The following TRERF1 variants were observed in gnomAD, a reference collection of about 807,000 sequenced individuals.
TRERF1 encodes transcriptional-regulating factor 1.
A neutral mutation model predicts 122.9 loss-of-function variants in TRERF1; 27 were observed. That is an observed-to-expected ratio of 0.22 (90% CI 0.16 to 0.30). The LOEUF is 0.30. Among genes scored for constraint, TRERF1 ranks in the 10% least tolerant of loss-of-function variants. The probability of loss-of-function intolerance (pLI) is 1.00; values close to 1 mark genes in which losing one functional copy is unlikely to be tolerated. For missense variants in TRERF1, 1,248 were observed against 1,560.3 expected (o/e 0.80, Z 3.37); for synonymous variants, 636 against 641.7 (o/e 0.99, Z 0.13).
chr6:42,433,862 A>AT (rs2151692921), intron 2 of TRERF1, among the ~76,000 whole-genome samples: 1 of 152,194 alleles, frequency 6.6e-6, no homozygotes, highest in East Asian at 1.9e-4. Context: ...CTACAAAAAA[A>AT]AAATTTTTTT....
At chr6:42,253,985 T>C (rs1776288692) in intron 13 of TRERF1, among the ~76,000 whole-genome samples, 1 of 152,210 alleles carries the variant, frequency 6.6e-6, no homozygotes, top group South Asian at 2.1e-4. Flanking sequence ...CCAACTTAGG[T>C]TTGTGGAGAC....
chr6:42,370,581 C>T (rs747883243), intron 2 of TRERF1, among the ~76,000 whole-genome samples: 14 of 152,124 alleles, frequency 9.2e-5, no homozygotes, highest in Non-Finnish European at 1.8e-4. Flanking sequence ...TGTCCGAAAC[C>T]TACATAGTTT....
chr6:42,335,236 G>A (rs1176181634), intron 3 of TRERF1, among the ~76,000 whole-genome samples: 1 of 152,226 alleles, frequency 6.6e-6, no homozygotes, highest in East Asian at 1.9e-4. Flanking sequence ...CTTGCTCCCA[G>A]ATGCTGGGGG....
At chr6:42,265,626 G>T in intron 6 of TRERF1, 125 bp downstream of exon 6, 1 of 1,056,332 alleles carries the variant, frequency 9.5e-7, no homozygotes, top group Non-Finnish European at 1.4e-6. Flanking sequence ...AAACACAACA[G>T]CTGCTATTAT....
exon 14 of TRERF1, chr6:42,246,495 T>C (rs761244152): frequency 1.2e-6 from 2 of 1,601,000 alleles, no homozygotes; most frequent in South Asian, 2.3e-5. Context: ...TGTAAGTGGC[T>C]AGTGCTTTGT....
At chr6:42,333,454 G>C (rs1370684913) in intron 3 of TRERF1, among the ~76,000 whole-genome samples, 2 of 152,182 alleles carry the variant, frequency 1.3e-5, no homozygotes, top group African/African-American at 2.4e-5. Flanking sequence ...GTCCTATCAG[G>C]CACCTGACTC....
Position 42,268,423 on chromosome 6 carries a change from G to C in TRERF1, c.1168C>G (p.Leu390Val), listed in dbSNP as rs778798828. Residue 390 changes from leucine to valine, a missense_variant, in exon 5 of 18, where the codon CTC (leucine) becomes GTC (valine). Around this residue, in one of 5 missense-constraint regions of TRERF1, gnomAD observed 946 missense variants for 1,073.0 expected, o/e 0.88. Coordinates refer to ENST00000372922, the Ensembl canonical transcript of TRERF1. The surrounding 1 kb of genome is among the most constrained non-coding windows in gnomAD (Gnocchi z 4.4). ...TGGGACAGGTGGCTCTGCTGGTAGA[G>C]GGGGTGGCTGTAGGGCTGCTGGGGC... 8 of 1,564,526 alleles carry C rather than the reference G, an allele frequency of 5.1e-6. No homozygotes were observed. In the African/African-American group the frequency reaches 1.1e-4, roughly 21 times the overall value.
At chr6:42,449,903 T>C (rs577008946) in intron 2 of TRERF1, among the ~76,000 whole-genome samples, 6 of 152,328 alleles carry the variant, frequency 3.9e-5, no homozygotes, top group South Asian at 2.1e-4. Flanking sequence ...GTCTACAGAA[T>C]TGCAGAAAGC....
Position 42,388,558 on chromosome 6 carries a change from C to G in TRERF1, c.-453-25479G>C, listed in dbSNP as rs894519567. On this transcript the variant is annotated intron_variant, in intron 2 of 17. Transcript: ENST00000372922. ...GTACATTCCCCCAAGTTTCATCCAC[C>G]TGAAAAATGCCAGTTACCACCACCT... Among the ~76,000 whole-genome samples, 68 of 152,170 alleles carry G rather than the reference C, an allele frequency of 4.5e-4. 1 individual carries two copies. The highest frequency in any genetic ancestry group is 1.6e-3 in the African/African-American group (66 of 41,534).
intron 2 of TRERF1, among the ~76,000 whole-genome samples, chr6:42,442,807 T>G (rs1047805647): frequency 6.6e-6 from 1 of 152,240 alleles, no homozygotes; most frequent in African/African-American, 2.4e-5. Context: ...TAATGCTGTA[T>G]AGTATTATCT....
intron 2 of TRERF1, among the ~76,000 whole-genome samples, chr6:42,364,765 C>T (rs900353054): frequency 3.3e-5 from 5 of 152,208 alleles, no homozygotes; most frequent in Admixed American, 3.3e-4. Context: ...GGCCAGCCTG[C>T]GTGGGCTATG....
At chr6:42,398,879 C>T (rs1010121063) in intron 2 of TRERF1, among the ~76,000 whole-genome samples, 1 of 152,198 alleles carries the variant, frequency 6.6e-6, no homozygotes, top group Admixed American at 6.5e-5. Context: ...GCTAGGGAGA[C>T]CATCCCACAG....
intron 3 of TRERF1, among the ~76,000 whole-genome samples, chr6:42,311,100 C>A (rs951442193): frequency 1.3e-5 from 2 of 152,178 alleles, no homozygotes; most frequent in Non-Finnish European, 2.9e-5. Context: ...GTGTTGGAAA[C>A]ACAGCAGGAA....
At chr6:42,338,965 C>T (rs142877734) in intron 3 of TRERF1, among the ~76,000 whole-genome samples, 161 of 152,338 alleles carry the variant, frequency 1.1e-3, no homozygotes, top group African/African-American at 3.4e-3. Context: ...CTCCTGCCCA[C>T]CTCCACTAGA....
At chr6:42,299,747 T>A (rs1472799327) in intron 4 of TRERF1, among the ~76,000 whole-genome samples, 1 of 152,214 alleles carries the variant, frequency 6.6e-6, no homozygotes, top group Non-Finnish European at 1.5e-5. Context: ...AGTAGTTCAA[T>A]GCATATTTCA....
intron 15 of TRERF1, among the ~76,000 whole-genome samples, chr6:42,240,218 T>G (rs192961886): frequency 6.6e-6 from 1 of 152,332 alleles, no homozygotes; most frequent in East Asian, 1.9e-4. Flanking sequence ...GCAACTCCTA[T>G]CTTCGAAAAA....
intron 7 of TRERF1, 77 bp downstream of exon 7, chr6:42,264,627 C>A: frequency 6.4e-7 from 1 of 1,565,430 alleles, no homozygotes; most frequent in Non-Finnish European, 8.6e-7. Flanking sequence ...GGGCTCACAT[C>A]ACTCTCTGTC....
At chr6:42,360,555 G>A (rs1771509008) in intron 3 of TRERF1, among the ~76,000 whole-genome samples, 1 of 152,008 alleles carries the variant, frequency 6.6e-6, no homozygotes, top group Non-Finnish European at 1.5e-5. Flanking sequence ...TATCCCCAAT[G>A]ACTGGTCCAA....
chr6:42,299,080 A>ATATCTATCTATC lies in TRERF1; in HGVS notation c.-259+1546_-259+1557dup, dbSNP rs10627055. Among the ~76,000 whole-genome samples, 12 of 134,616 alleles carry ATATCTATCTATC rather than the reference A, an allele frequency of 8.9e-5. 1 individual carries two copies. The highest frequency in any genetic ancestry group is 1.4e-4 in the Non-Finnish European group (9 of 62,738). 88.3% of individuals were successfully genotyped at this position (134,616 alleles called of 152,430 possible). On this transcript the variant is annotated intron_variant, in intron 4 of 17. Coordinates refer to ENST00000372922, the Ensembl canonical transcript of TRERF1. ...AGAGAGCAAGACCCTGTCTCTAAAA[A>ATATCTATCTATC]TATCTATCTATCTATCTGTCTGTCT...
Sources: gnomAD v4.1 joint callset for allele counts (sites outside exome capture counted in the v4.1 genomes callset) on GRCh38, gnomAD v4.1.1 for gene constraint, gnomAD v4.1.1 regional missense constraint, Gnocchi (gnomAD v3.1) non-coding constraint, MANE v1.5 for transcripts, NCBI Gene and HGNC (gene_info 2026-07-23, HGNC 2026-07-21) for gene names.